ZNF169: variants seen among roughly 807,000 people sequenced by gnomAD.
ZNF169 encodes the protein zinc finger protein 169.
Under a neutral mutation model 12.0 loss-of-function variants are expected in ZNF169, and 11 were observed. The observed-to-expected ratio is 0.92, with a 90% CI of 0.58 to 1.52. ZNF169 has a LOEUF of 1.52. ZNF169 is among the 40% of genes most tolerant of loss of function. The pLI, the probability that ZNF169 is intolerant of heterozygous loss-of-function variation, is 0.00. For synonymous variants in ZNF169, 302 were observed against 286.5 expected, an observed-to-expected ratio of 1.05 and a Z score of -0.55; for missense variants, 722 against 744.0, an observed-to-expected ratio of 0.97 and a Z score of 0.34.
chr9:94,261,501 T>C (rs1187494160), intron 1 of ZNF169, among the ~76,000 whole-genome samples: 1 of 152,264 alleles, frequency 6.6e-6, no homozygotes, highest in African/African-American at 2.4e-5. Flanking sequence ...AGAAGTAGTT[T>C]TGAAGTTCCA....
intron 3 of ZNF169, 46 bp from the exon 4 acceptor site, chr9:94,292,928 A>G: frequency 6.5e-7 from 1 of 1,531,128 alleles, no homozygotes; most frequent in Non-Finnish European, 8.9e-7. Flanking sequence ...ATAGCCTCTT[A>G]AGCCACTAAC....
Position 94,301,429 on chromosome 9 carries a change from C to T in ZNF169, c.*59C>T, listed in dbSNP as rs1328901536. 1 of 1,476,404 alleles carries T rather than the reference C, an allele frequency of 6.8e-7. No individual in the cohort carries two copies. The highest frequency in any genetic ancestry group is 1.4e-5 in the African/African-American group (1 of 70,242). The allele number at this position is 1,476,404 out of a possible 1,614,324, so 91.5% of individuals were successfully genotyped here. A position where few individuals can be genotyped will look rare whatever the true frequency, so the allele number is the denominator to read the frequency against. ...AAATCACTAGTAAATGCTTCAGTTTCCTGAAATGGAATGGAAAAAAAAAAA... is the reference window on the plus strand; with the variant it reads ...AAATCACTAGTAAATGCTTCAGTTTTCTGAAATGGAATGGAAAAAAAAAAA... On this transcript the variant is annotated 3_prime_UTR_variant, in exon 5 of 5. Transcript: ENST00000395395.
At chr9:94,271,487 C>G (rs1414383868) in intron 1 of ZNF169, among the ~76,000 whole-genome samples, 1 of 151,930 alleles carries the variant, frequency 6.6e-6, no homozygotes, top group Non-Finnish European at 1.5e-5. Context: ...TTTGGGAGGC[C>G]GAGGCGGGCA....
chr9:94,266,785 A>T (rs62578818), intron 1 of ZNF169, among the ~76,000 whole-genome samples: 3 of 151,970 alleles, frequency 2.0e-5, no homozygotes, highest in Admixed American at 1.3e-4. Context: ...TTTTTGAAAC[A>T]TAATTTTTCT....
At chr9:94,264,888 G>A (rs1312906578) in intron 1 of ZNF169, among the ~76,000 whole-genome samples, 1 of 151,604 alleles carries the variant, frequency 6.6e-6, no homozygotes, top group African/African-American at 2.4e-5. Context: ...ACTACCTTTT[G>A]TTTATCCATT....
intron 1 of ZNF169, among the ~76,000 whole-genome samples, chr9:94,266,514 T>G (rs1471195596): frequency 6.6e-6 from 1 of 152,190 alleles, no homozygotes; most frequent in Non-Finnish European, 1.5e-5. Context: ...CAGCAACACA[T>G]ATAAATAGGT....
chr9:94,283,224 C>G (rs1413469974), intron 2 of ZNF169, among the ~76,000 whole-genome samples: 2 of 152,012 alleles, frequency 1.3e-5, no homozygotes, highest in Non-Finnish European at 2.9e-5. Flanking sequence ...TCCTGGCTAA[C>G]ACGGTGAAAC....
At chr9:94,261,870 T>G (rs1489010776) in intron 1 of ZNF169, among the ~76,000 whole-genome samples, 1 of 152,242 alleles carries the variant, frequency 6.6e-6, no homozygotes, top group African/African-American at 2.4e-5. Flanking sequence ...AATACTTCAG[T>G]GTTCAGTATG....
At chr9:94,276,206 G>A (rs1048220300) in intron 1 of ZNF169, among the ~76,000 whole-genome samples, 1 of 152,086 alleles carries the variant, frequency 6.6e-6, no homozygotes, top group African/African-American at 2.4e-5. Flanking sequence ...TCATGTGCAG[G>A]TTTCCTCAAT....
At chr9:94,266,649 A>G (rs559236921) in intron 1 of ZNF169, among the ~76,000 whole-genome samples, 7 of 152,314 alleles carry the variant, frequency 4.6e-5, no homozygotes, top group African/African-American at 1.7e-4. Context: ...AGAAGGAGGA[A>G]AAAATTGAAA....
intron 1 of ZNF169, among the ~76,000 whole-genome samples, chr9:94,261,198 C>G (rs564342869): frequency 6.6e-6 from 1 of 152,216 alleles, no homozygotes; most frequent in South Asian, 2.1e-4. Flanking sequence ...CGCGCTACCA[C>G]ACCTGGCTAA....
Position 94,301,206 on chromosome 9 carries a change from G to A in ZNF169, c.1648G>A (p.Gly550Ser), listed in dbSNP as rs764043035. 2.0e-5 allele frequency: 32 copies of A among 1,613,960 alleles called. No individual in the cohort carries two copies. Among genetic ancestry groups the A allele is most frequent in the South Asian group, 1.4e-4 (13 of 91,080 alleles). The change falls in exon 5 of 5, where the codon GGC becomes AGC. Residue 550 changes from glycine (G) to serine (S), a missense_variant. By Grantham distance (56) the Gly-to-Ser change is moderately conservative (BLOSUM62 0). Coordinates refer to ENST00000395395, the MANE Select transcript of ZNF169 (RefSeq NM_194320.4). Reference protein sequence around the residue: ...KPCICDECGRGFGFKSALIRH... With the variant: ...KPCICDECGRSFGFKSALIRH... ...CTGCATTTGCGATGAATGTGGGCGC[G>A]GCTTTGGCTTTAAGTCTGCCCTCAT...
Position 94,299,846 on chromosome 9 carries a change from C to T in ZNF169, c.288C>T (p.Pro96=). ...EPRTEFQPSF[P]HLVAFSSSQL... ...GAACAGAATTCCAGCCAAGTTTTCC[C>T]CACCTGGTGGCCTTTTCTAGCTCGC... The change falls in exon 5 of 5, where the codon CCC becomes CCT. Residue 96 remains proline (P), a synonymous_variant. Coordinates refer to ENST00000395395, the MANE Select transcript of ZNF169 (RefSeq NM_194320.4). The T allele has an allele frequency of 2.5e-6, 4 of 1,613,718 alleles. No homozygotes were observed. Among genetic ancestry groups the T allele is most frequent in the Non-Finnish European group, 3.4e-6 (4 of 1,179,838 alleles).
rs1830567196 is a variant in ZNF169, at chr9:94,278,743, C to T, written c.-55-15C>T. 1.3e-6 allele frequency: 2 copies of T among 1,492,120 alleles called. No individual in the cohort carries two copies. Among genetic ancestry groups the T allele is most frequent in the Non-Finnish European group, 9.3e-7 (1 of 1,073,144 alleles). The allele number at this position is 1,492,120 out of a possible 1,614,324, so 92.4% of individuals were successfully genotyped here. A position where few individuals can be genotyped will look rare whatever the true frequency, so the allele number is the denominator to read the frequency against. Reference sequence around the variant, plus strand: ...CTTCCCAAGTACCTCTCTCACTTCTCATCTCTTTCCCCAGATTTGCCTCTG... The same window carrying T: ...CTTCCCAAGTACCTCTCTCACTTCTTATCTCTTTCCCCAGATTTGCCTCTG... On this transcript the variant is annotated splice_polypyrimidine_tract_variant and intron_variant, in intron 1 of 4. Transcript: ENST00000395395.
intron 1 of ZNF169, among the ~76,000 whole-genome samples, chr9:94,276,169 A>AT (rs1241675650): frequency 2.0e-5 from 3 of 152,086 alleles, no homozygotes; most frequent in Non-Finnish European, 4.4e-5. Flanking sequence ...ATTTATACTG[A>AT]TTTTTTAAAT....
At position 94,270,833 on chromosome 9, in the gene ZNF169, ATATATATTATATTATATAAATATATAT is replaced by A. The variant is rs1564083522; in HGVS notation, c.-55-7924_-55-7898del. ...TATATTATATAAATATATATAAAAT[ATATATATTATATTATATAAATATATAT>A]AATAATATATATATTATATTATATA... On this transcript the variant is annotated intron_variant, in intron 1 of 4. Transcript: ENST00000395395. Among the ~76,000 whole-genome samples the A allele has an allele frequency of 6.8e-5, 3 of 44,332 alleles. 1 individual carries two copies. The highest frequency in any genetic ancestry group is 2.4e-4 in the African/African-American group (3 of 12,512). 29.1% of individuals were successfully genotyped at this position (44,332 alleles called of 152,430 possible).
chr9:94,287,699 T>C, intron 2 of ZNF169: 1 of 1,176,844 alleles, frequency 8.5e-7, no homozygotes. Context: ...CGGTGTTCAT[T>C]TATGCTTGAA....
chr9:94,270,560 G>A (rs938083029), intron 1 of ZNF169, among the ~76,000 whole-genome samples: 1 of 137,816 alleles, frequency 7.3e-6, no homozygotes, highest in Admixed American at 8.1e-5. Context: ...TTTTTATCAT[G>A]AATAGCCATT....
At chr9:94,270,675 TA>T (rs1437793573) in intron 1 of ZNF169, among the ~76,000 whole-genome samples, 12 of 71,018 alleles carry the variant, frequency 1.7e-4, no homozygotes, top group Admixed American at 4.2e-4. Flanking sequence ...ATATACTATA[TA>T]AATATATATA....
Sources: allele counts gnomAD v4.1 joint callset (sites outside exome capture counted in the v4.1 genomes callset), GRCh38; gene constraint gnomAD v4.1.1; transcripts MANE v1.5; gene names NCBI Gene and HGNC (gene_info 2026-07-23, HGNC 2026-07-21).